Variants in SLC8A1 observed in about 807,000 individuals in gnomAD.
SLC8A1 encodes sodium/calcium exchanger 1.
A neutral mutation model predicts 68.3 loss-of-function variants in SLC8A1; 18 were observed. The observed-to-expected ratio is 0.26, with a 90% CI of 0.18 to 0.39. The LOEUF is 0.39. SLC8A1 is among the 10% of genes least tolerant of loss of function. SLC8A1 has a pLI of 1.00. For synonymous variants in SLC8A1, 475 were observed against 415.5 expected (o/e 1.14, Z -1.74); for missense variants, 985 against 1,156.7 (o/e 0.85, Z 2.15).
chr2:40,429,628 A>T (rs778462427), exon 2 of SLC8A1: 1 of 1,613,734 alleles, frequency 6.2e-7, no homozygotes, highest in African/African-American at 1.3e-5. Flanking sequence ...AATAATGTAA[A>T]GCCAGGTGTA....
intron 2 of SLC8A1, among the ~76,000 whole-genome samples, chr2:40,282,397 T>G (rs1215800093): frequency 6.6e-6 from 1 of 152,194 alleles, no homozygotes; most frequent in Non-Finnish European, 1.5e-5. Flanking sequence ...CTGTCTCTTC[T>G]GTATCTCTGT....
At chr2:40,375,342 A>G (rs1227077316) in intron 2 of SLC8A1, among the ~76,000 whole-genome samples, 2 of 152,092 alleles carry the variant, frequency 1.3e-5, no homozygotes, top group Non-Finnish European at 2.9e-5. Flanking sequence ...TGTTTGGTTT[A>G]TTTTCCAATC....
At chr2:40,403,286 A>C (rs1375924533) in intron 2 of SLC8A1, among the ~76,000 whole-genome samples, 1 of 152,204 alleles carries the variant, frequency 6.6e-6, no homozygotes, top group African/African-American at 2.4e-5. Flanking sequence ...CCAGGCATTA[A>C]GAAGAAATAA....
chr2:40,374,857 T>C (rs1306225693), intron 2 of SLC8A1, among the ~76,000 whole-genome samples: 1 of 152,118 alleles, frequency 6.6e-6, no homozygotes, highest in East Asian at 1.9e-4. Flanking sequence ...TTTTTAAGAA[T>C]TGAGACACTG....
At position 40,259,311 on chromosome 2, in the gene SLC8A1, C is replaced by T. The variant is rs564270509; in HGVS notation, c.1809-81456G>A. Among the ~76,000 whole-genome samples, 19 of 152,306 alleles carry T rather than the reference C, an allele frequency of 1.2e-4. No homozygotes were observed. The East Asian group carries it at 3.1e-3, about 25-fold the overall frequency. ...AAAGACCTAAACATTTGAGTCTTCA[C>T]TGTTTTCAACAGCTCCTTCCACACC... On this transcript the variant is annotated intron_variant, in intron 2 of 7. Transcript: ENST00000406785.
At chr2:40,287,925 G>A (rs781760217) in intron 2 of SLC8A1, among the ~76,000 whole-genome samples, 1 of 152,016 alleles carries the variant, frequency 6.6e-6, no homozygotes, top group Non-Finnish European at 1.5e-5. Context: ...GAACACGCAC[G>A]TTATGAGACT....
intron 2 of SLC8A1, among the ~76,000 whole-genome samples, chr2:40,329,145 C>G (rs1432280704): frequency 6.6e-6 from 1 of 151,984 alleles, no homozygotes; most frequent in Non-Finnish European, 1.5e-5. Flanking sequence ...CAAACTTTCA[C>G]TCGGCCAAAC....
intron 2 of SLC8A1, among the ~76,000 whole-genome samples, chr2:40,426,492 A>T (rs568143005): frequency 3.3e-4 from 50 of 152,118 alleles, no homozygotes; most frequent in African/African-American, 1.1e-3. Context: ...ATCAATGTCA[A>T]TCCTTTTTAA....
exon 2 of SLC8A1, chr2:40,428,855 T>C: frequency 6.2e-7 from 1 of 1,613,888 alleles, no homozygotes; most frequent in South Asian, 1.1e-5. Flanking sequence ...ATACCCACTC[T>C]GATTTCCTTC....
intron 1 of SLC8A1, among the ~76,000 whole-genome samples, chr2:40,496,966 C>A (rs1448515867): frequency 6.7e-6 from 1 of 149,920 alleles, no homozygotes. Context: ...GGAGATATAC[C>A]TAATGCTAGA....
intron 6 of SLC8A1, among the ~76,000 whole-genome samples, chr2:40,147,647 T>C (rs1018842819): frequency 1.3e-5 from 2 of 152,190 alleles, no homozygotes; most frequent in Non-Finnish European, 2.9e-5. Flanking sequence ...AGCTGAGTCG[T>C]GAAGCAACTG....
At chr2:40,349,400 T>C (rs905482188) in intron 2 of SLC8A1, among the ~76,000 whole-genome samples, 2 of 152,118 alleles carry the variant, frequency 1.3e-5, no homozygotes, top group African/African-American at 4.8e-5. Flanking sequence ...AAATGTTATT[T>C]CAAAAAAATA....
chr2:40,143,628 A>G (rs2041963497), intron 6 of SLC8A1, among the ~76,000 whole-genome samples: 1 of 152,220 alleles, frequency 6.6e-6, no homozygotes, highest in Non-Finnish European at 1.5e-5. Flanking sequence ...TAACCAAATC[A>G]TTAAAAATGC....
rs2069050474 is a variant in SLC8A1 at position 40,290,211 on chromosome 2, A to T, written c.1809-112356T>A. On this transcript the variant is annotated intron_variant, in intron 2 of 7. Coordinates refer to ENST00000406785, the Ensembl canonical transcript of SLC8A1. ...CTTGCAAGGTGCCTGGATGAAATGA[A>T]AGTGAAAGAATGGGAAACGCAGTAC... Among the ~76,000 whole-genome samples the T allele has an allele frequency of 2.6e-5, 4 of 152,070 alleles. 1 individual carries two copies. In the South Asian group the frequency reaches 8.3e-4, roughly 32 times the overall value.
chr2:40,232,425 G>A (rs963899924), intron 2 of SLC8A1, among the ~76,000 whole-genome samples: 22 of 147,456 alleles, frequency 1.5e-4, no homozygotes, highest in African/African-American at 5.5e-4. Flanking sequence ...TTTTTTTCAA[G>A]GGATAGCAAG....
intron 2 of SLC8A1, among the ~76,000 whole-genome samples, chr2:40,384,068 C>T (rs929365029): frequency 6.6e-6 from 1 of 150,860 alleles, no homozygotes; most frequent in Non-Finnish European, 1.5e-5. Flanking sequence ...TTACACCAGC[C>T]AAGACAACAC....
At chr2:40,325,345 A>G (rs898021172) in intron 2 of SLC8A1, among the ~76,000 whole-genome samples, 5 of 152,140 alleles carry the variant, frequency 3.3e-5, no homozygotes, top group African/African-American at 7.2e-5. Context: ...TGAAACCAGG[A>G]AAAAGTCCCA....
At chr2:40,325,617 T>C (rs1029856614) in intron 2 of SLC8A1, among the ~76,000 whole-genome samples, 1 of 151,864 alleles carries the variant, frequency 6.6e-6, no homozygotes, top group Non-Finnish European at 1.5e-5. Flanking sequence ...TGAATCAATA[T>C]AATAGGTGTT....
intron 2 of SLC8A1, among the ~76,000 whole-genome samples, chr2:40,263,346 A>AAACT (rs1416521958): frequency 2.6e-5 from 4 of 152,262 alleles, no homozygotes; most frequent in Non-Finnish European, 5.9e-5. Flanking sequence ...CAATTGGAAA[A>AAACT]AACTACTTTA....
Sources: gnomAD v4.1 joint callset for allele counts (sites outside exome capture counted in the v4.1 genomes callset) on GRCh38, gnomAD v4.1.1 for gene constraint, MANE v1.5 for transcripts, NCBI Gene and HGNC (gene_info 2026-07-23, HGNC 2026-07-21) for gene names.